Variants in CHRM3 observed in about 807,000 individuals in gnomAD.
CHRM3 encodes muscarinic acetylcholine receptor M3.
A neutral mutation model predicts 41.8 loss-of-function variants in CHRM3; 11 were observed. The ratio of observed to expected loss-of-function variants is 0.26; its 90% CI spans 0.17 to 0.44. The LOEUF (loss-of-function observed/expected upper bound fraction) is 0.44, where lower values mean the gene tolerates loss of function less well. CHRM3 is among the 20% of genes least tolerant of loss of function. The pLI is 1.00. For missense variants in CHRM3, 571 were observed against 745.4 expected, an observed-to-expected ratio of 0.77 and a Z score of 2.72; for synonymous variants, 297 against 301.4, an observed-to-expected ratio of 0.99 and a Z score of 0.15.
chr1:239,844,373 G>A (rs1674091145), intron 6 of CHRM3, among the ~76,000 whole-genome samples: 1 of 152,156 alleles, frequency 6.6e-6, no homozygotes, highest in Non-Finnish European at 1.5e-5. Context: ...GCGCTTATTT[G>A]TTACAGAAGA....
At chr1:239,720,305 A>G (rs1662835140) in intron 5 of CHRM3, 1 of 151,936 alleles carries the variant, frequency 6.6e-6, no homozygotes, top group African/African-American at 2.4e-5. Flanking sequence ...ACTTTGCCCT[A>G]GTTTCTTTGC....
At position 239,694,167 on chromosome 1, in the gene CHRM3, G is replaced by A. The variant is rs114273500; in HGVS notation, c.-147+15879G>A. ...ACCTAGTTAGAGCATATTTACATAT[G>A]TCAAAAATAATTGAGCTCTTCCACC... On this transcript the variant is annotated intron_variant, in intron 5 of 6. Transcript: ENST00000676153. Among the ~76,000 whole-genome samples the A allele has an allele frequency of 4.0e-3, 606 of 152,256 alleles. 3 individuals are homozygous for A. Among genetic ancestry groups the A allele is most frequent in the African/African-American group, 0.014 (581 of 41,554 alleles).
At chr1:239,740,297 T>C (rs1664723677) in intron 5 of CHRM3, among the ~76,000 whole-genome samples, 1 of 152,110 alleles carries the variant, frequency 6.6e-6, no homozygotes. Context: ...TTCAAAATAA[T>C]ACCGTGAAGT....
intron 3 of CHRM3, chr1:239,606,243 A>G (rs1480359513): frequency 6.6e-6 from 1 of 151,852 alleles, no homozygotes; most frequent in African/African-American, 2.4e-5. Context: ...TTAATTAAGT[A>G]CATGTTTTTC....
intron 5 of CHRM3, among the ~76,000 whole-genome samples, chr1:239,792,017 G>A (rs1669394718): frequency 2.6e-5 from 4 of 152,320 alleles, no homozygotes; most frequent in South Asian, 2.1e-4. Context: ...AGAAGGAGAC[G>A]CATTTGGACA....
At chr1:239,798,172 C>T (rs1443403071) in intron 5 of CHRM3, among the ~76,000 whole-genome samples, 2 of 152,128 alleles carry the variant, frequency 1.3e-5, no homozygotes, top group Non-Finnish European at 2.9e-5. Flanking sequence ...TCTTCCTCTC[C>T]CTCCTGCTGT....
chr1:239,539,283 A>G (rs564599797), intron 2 of CHRM3, among the ~76,000 whole-genome samples: 2 of 152,300 alleles, frequency 1.3e-5, no homozygotes, highest in African/African-American at 4.8e-5. Context: ...TTCAATGAGA[A>G]TAAGAGAATG....
chr1:239,525,321 A>G (rs867608734), intron 2 of CHRM3, among the ~76,000 whole-genome samples: 79 of 149,864 alleles, frequency 5.3e-4, no homozygotes, highest in African/African-American at 1.7e-3. Flanking sequence ...CCCTGGTGAC[A>G]GAGAGAGATG....
At chr1:239,589,666 A>G (rs1052226896) in intron 3 of CHRM3, among the ~76,000 whole-genome samples, 9 of 111,940 alleles carry the variant, frequency 8.0e-5, no homozygotes, top group Admixed American at 1.8e-4. Context: ...ATATATATAT[A>G]TATAGTTTTA....
chr1:239,412,671 T>C (rs1441263995), intron 1 of CHRM3, among the ~76,000 whole-genome samples: 1 of 151,964 alleles, frequency 6.6e-6, no homozygotes, highest in African/African-American at 2.4e-5. Context: ...GCTGTGAATA[T>C]TTTTCTTATC....
intron 6 of CHRM3, among the ~76,000 whole-genome samples, chr1:239,841,603 C>G (rs1673808191): frequency 6.6e-6 from 1 of 152,152 alleles, no homozygotes; most frequent in Non-Finnish European, 1.5e-5. Context: ...AATCCTAAAT[C>G]CATTGACAGT....
At chr1:239,424,591 A>C (rs145030005) in intron 1 of CHRM3, among the ~76,000 whole-genome samples, 130 of 152,368 alleles carry the variant, frequency 8.5e-4, no homozygotes, top group African/African-American at 2.9e-3. Context: ...ATAACAGTAA[A>C]TACACATTTG....
rs1344596300 is a variant in CHRM3, at chr1:239,910,620, A to C, written c.*1396A>C. The C allele has an allele frequency of 1.2e-5, 2 of 166,156 alleles. No individual in the cohort carries two copies. Among genetic ancestry groups the C allele is most frequent in the East Asian group, 3.9e-4 (2 of 5,162 alleles). The allele number at this position is 166,156 out of a possible 1,614,324, so 10.3% of individuals were successfully genotyped here. A position where few individuals can be genotyped will look rare whatever the true frequency, so the allele number is the denominator to read the frequency against. On this transcript the variant is annotated 3_prime_UTR_variant, in exon 7 of 7. Coordinates refer to ENST00000676153, the MANE Select transcript of CHRM3 (RefSeq NM_001375978.1). ...AATTGTTTTTTTGCATTCTCCCTTGAATTGACCAAAATGTTAACTGTTTCA... is the reference window on the plus strand; with the variant it reads ...AATTGTTTTTTTGCATTCTCCCTTGCATTGACCAAAATGTTAACTGTTTCA...
intron 6 of CHRM3, among the ~76,000 whole-genome samples, chr1:239,855,534 A>G (rs61831574): frequency 1.7e-3 from 262 of 152,268 alleles, no homozygotes; most frequent in Non-Finnish European, 2.8e-3. Context: ...CCTAGTCAGC[A>G]TTAGGGGATT....
intron 4 of CHRM3, among the ~76,000 whole-genome samples, chr1:239,636,982 G>A (rs887712199): frequency 6.6e-6 from 1 of 152,132 alleles, no homozygotes; most frequent in African/African-American, 2.4e-5. Context: ...GTATCTATAT[G>A]AAATTTTGTG....
At chr1:239,751,104 G>A (rs1402952368) in intron 5 of CHRM3, among the ~76,000 whole-genome samples, 4 of 152,014 alleles carry the variant, frequency 2.6e-5, no homozygotes, top group African/African-American at 4.8e-5. Flanking sequence ...CAGGTGTGTT[G>A]GCGAGTGCCT....
At chr1:239,452,794 A>T (rs555162594) in intron 1 of CHRM3, among the ~76,000 whole-genome samples, 15 of 152,072 alleles carry the variant, frequency 9.9e-5, no homozygotes, top group African/African-American at 3.6e-4. Flanking sequence ...TTACTTATTT[A>T]TTTTATTTTC....
In CHRM3 at chr1:239,790,354, C is replaced by T. The variant is rs552772199; in HGVS notation, c.-146-36898C>T. On this transcript the variant is annotated intron_variant, in intron 5 of 6. Transcript: ENST00000676153. ...ACCTTGAATTGTAGTAATACCCACACGTCAAGAGTAGGACCAGGTGGAAAT... is the reference window on the plus strand; with the variant it reads ...ACCTTGAATTGTAGTAATACCCACATGTCAAGAGTAGGACCAGGTGGAAAT... 9.8e-5 allele frequency among the ~76,000 whole-genome samples: 15 copies of T among 152,292 alleles called. No homozygotes were observed. In the South Asian group the frequency reaches 2.1e-3, roughly 21 times the overall value.
chr1:239,447,973 AT>A (rs1377126264), intron 1 of CHRM3, among the ~76,000 whole-genome samples: 2 of 152,304 alleles, frequency 1.3e-5, no homozygotes, highest in Non-Finnish European at 2.9e-5. Flanking sequence ...AATAAACCCA[AT>A]CCAGCACTTT....
Sources: gnomAD v4.1 joint callset for allele counts (sites outside exome capture counted in the v4.1 genomes callset) on GRCh38, gnomAD v4.1.1 for gene constraint, MANE v1.5 for transcripts, NCBI Gene and HGNC (gene_info 2026-07-23, HGNC 2026-07-21) for gene names.